The following JAG2 variants were observed in gnomAD, a reference collection of about 807,000 sequenced individuals.
JAG2 encodes the protein jagged canonical Notch ligand 2.
A neutral mutation model predicts 141.7 loss-of-function variants in JAG2; 46 were observed. That is an observed-to-expected ratio of 0.32 (90% confidence interval 0.26 to 0.42). JAG2 has a LOEUF of 0.42. JAG2 is among the 10% of genes least tolerant of loss of function. The pLI, the probability that JAG2 is intolerant of heterozygous loss-of-function variation, is 1.00. For missense variants in JAG2, 1,500 were observed against 1,817.5 expected, an observed-to-expected ratio of 0.83 and a Z score of 3.18; for synonymous variants, 862 against 763.5, an observed-to-expected ratio of 1.13 and a Z score of -2.13.
Position 105,155,729 on chromosome 14 carries a change from C to T in JAG2, c.727+9G>A. On this transcript the variant is annotated intron_variant, in intron 4 of 25. Coordinates refer to ENST00000331782, the MANE Select transcript of JAG2 (RefSeq NM_002226.5). Reference sequence around the variant, plus strand: ...CCCTGCCCTCCACGCAGCCCAGCGGCCCCCTCACCTTCCTTGCACTCCTTG... The same window carrying T: ...CCCTGCCCTCCACGCAGCCCAGCGGTCCCCTCACCTTCCTTGCACTCCTTG... 1 of 1,612,498 alleles carries T rather than the reference C, an allele frequency of 6.2e-7. No individual in the cohort carries two copies. The highest frequency in any genetic ancestry group is 2.2e-5 in the East Asian group (1 of 44,882).
chr14:105,153,623 C>G (rs971893931), intron 5 of JAG2, among the ~76,000 whole-genome samples: 2 of 152,134 alleles, frequency 1.3e-5, no homozygotes, highest in Non-Finnish European at 2.9e-5. Context: ...GGTGGGGGGG[C>G]GTCCTGCACT....
rs1241073504 is a variant in JAG2 at position 105,154,127 on chromosome 14, ACCCACCTC to A, written c.788+1427_788+1434del. On this transcript the variant is annotated intron_variant, in intron 5 of 25. Coordinates refer to ENST00000331782, the MANE Select transcript of JAG2 (RefSeq NM_002226.5). This position sits in a 1 kb window ranked among gnomAD's most constrained non-coding sequence, Gnocchi z 4.4. ...CAACCGTGGGGCCTGTGGAAGGGTC[ACCCACCTC>A]CCCACCTTGGCTCCCAACTCAGCTG... 6.6e-6 allele frequency among the ~76,000 whole-genome samples: 1 copy of A among 151,898 alleles called. No homozygotes were observed. The highest frequency in any genetic ancestry group is 1.5e-5 in the Non-Finnish European group (1 of 67,960).
chr14:105,151,205 G>C (rs2140979524), intron 9 of JAG2, 78 bp downstream of exon 9: 3 of 1,441,090 alleles, frequency 2.1e-6, no homozygotes, highest in Non-Finnish European at 2.8e-6. Context: ...AGCAGCCCCA[G>C]CAGCCCCCGC....
Position 105,150,848 on chromosome 14 carries a change from T to A in JAG2, c.1428+17A>T. 1 of 1,574,390 alleles carries A rather than the reference T, an allele frequency of 6.4e-7. No homozygotes were observed. The highest frequency in any genetic ancestry group is 8.6e-7 in the Non-Finnish European group (1 of 1,160,266). On this transcript the variant is annotated intron_variant, in intron 11 of 25. Transcript: ENST00000331782. ...CCCGCAGCACCCACGCCACACACCC[T>A]CCTGGCCCCGCCTCACCTTGCAGGT...
chr14:105,152,012 G>A lies in JAG2; in HGVS notation c.965C>T (p.Thr322Met), dbSNP rs767469145. 9.3e-6 allele frequency: 15 copies of A among 1,613,272 alleles called. No individual in the cohort carries two copies. Among genetic ancestry groups the A allele is most frequent in the Admixed American group, 1.7e-5 (1 of 60,008 alleles). The change falls in exon 7 of 26, where the codon ACG (threonine) becomes ATG (methionine). Residue 322 changes from threonine to methionine, a missense_variant. Transcript: ENST00000331782. ...GSHHPCTNGG[T>M]CINAEPDQYR... ...CTGGTCAGGCTCGGCGTTGATGCAC[G>A]TGCCTCCGTTGGTGCAGGGGTGGTG... is the stretch of plus-strand genomic sequence containing the variant.
intron 2 of JAG2, among the ~76,000 whole-genome samples, chr14:105,158,978 C>T (rs1374977817): frequency 6.6e-6 from 1 of 152,012 alleles, no homozygotes; most frequent in Non-Finnish European, 1.5e-5. Flanking sequence ...ACCCGCCGCC[C>T]ACCCCACGCA....
At chr14:105,151,527 G>A in intron 8 of JAG2, 99 bp downstream of exon 8, 1 of 1,335,488 alleles carries the variant, frequency 7.5e-7, no homozygotes, top group Non-Finnish European at 1.1e-6. Context: ...AGCCACACGT[G>A]TGGACTTGAC....
chr14:105,146,960 G>A (rs963965718), intron 20 of JAG2: 4 of 631,488 alleles, frequency 6.3e-6, no homozygotes, highest in African/African-American at 3.6e-5. Context: ...GTCCCATCCT[G>A]GATTAGCCCC....
In JAG2 at chr14:105,147,424, G is replaced by A. The variant is rs1250201922; in HGVS notation, c.2394-13C>T. 3.1e-6 allele frequency: 5 copies of A among 1,610,964 alleles called. No individual in the cohort carries two copies. The highest frequency in any genetic ancestry group is 2.2e-5 in the East Asian group (1 of 44,830). On this transcript the variant is annotated splice_polypyrimidine_tract_variant and intron_variant, in intron 19 of 25. Coordinates refer to ENST00000331782, the MANE Select transcript of JAG2 (RefSeq NM_002226.5). ...GCCACCATTGTAGCTGCAGAGCAGA[G>A]GGTGGGCATCAGGTGGCCCCCCGTG...
In JAG2 at chr14:105,150,431, G is replaced by A. The variant is rs370702806; in HGVS notation, c.1602+173C>T. 7.2e-4 allele frequency among the ~76,000 whole-genome samples: 109 copies of A among 152,304 alleles called. 1 individual carries two copies. The highest frequency in any genetic ancestry group is 2.5e-3 in the African/African-American group (102 of 41,562). On this transcript the variant is annotated intron_variant, in intron 12 of 25. Coordinates refer to ENST00000331782, the MANE Select transcript of JAG2 (RefSeq NM_002226.5). ...CACAGGGGGCCAAGCCTGGTGACCT[G>A]TGACAGCCCCGCCTGCCCACCTGGC...
intron 24 of JAG2, among the ~76,000 whole-genome samples, chr14:105,144,116 C>T (rs1888150945): frequency 6.6e-6 from 1 of 152,034 alleles, no homozygotes; most frequent in South Asian, 2.1e-4. Context: ...TGGCCCCATT[C>T]GCTGACACCT....
At chr14:105,156,129 C>T in intron 3 of JAG2, 140 bp from the exon 4 acceptor site, 1 of 1,137,440 alleles carries the variant, frequency 8.8e-7, no homozygotes, top group Admixed American at 2.6e-5. Flanking sequence ...GAGGGCAGGG[C>T]CCCCGGCCAG....
chr14:105,143,493 C>T lies in JAG2; in HGVS notation c.3230G>A (p.Gly1077Asp). The change falls in exon 25 of 26, where the codon GGC becomes GAC. Residue 1077 changes from glycine (G) to aspartate (D), a missense_variant. Physicochemically the swap from Gly to Asp is moderately conservative, Grantham distance 94. Coordinates refer to ENST00000331782, the MANE Select transcript of JAG2 (RefSeq NM_002226.5). ...CCTCCCGCGCTTACCTGTGGAAGAG[C>T]CGCCCGTAACAACCGTCTCCACCTT... The part of the protein sequence containing the change: ...EVKVETVVTG[G>D]SSTGLLVPVL... 3.2e-6 allele frequency: 5 copies of T among 1,556,798 alleles called. No homozygotes were observed. The highest frequency in any genetic ancestry group is 4.3e-6 in the Non-Finnish European group (5 of 1,152,420).
At chr14:105,147,565 AC>A in intron 18 of JAG2, 38 bp from the exon 19 acceptor site, 8 of 1,598,686 alleles carry the variant, frequency 5.0e-6, no homozygotes, top group East Asian at 2.2e-5. Context: ...ATCAGTACCC[AC>A]CCCCCAAGCG....
rs1888226943 is a variant in JAG2, at chr14:105,146,462, G to T, written c.2632C>A (p.Pro878Thr). The T allele has an allele frequency of 6.2e-7, 1 of 1,612,684 alleles. No individual in the cohort carries two copies. Among genetic ancestry groups the T allele is most frequent in the Non-Finnish European group, 8.5e-7 (1 of 1,179,922 alleles). Residue 878 changes from proline to threonine, a missense_variant, in exon 22 of 26, where the codon CCG becomes ACG. By Grantham distance (38) the Pro-to-Thr change is conservative (BLOSUM62 -1). Transcript: ENST00000331782. ...ACCCAGGAGCTTCCGTGTGGGAACG[G>T]AGTGCCCCGGGACCAGCAGGATCTC... ...FGRSCWSRGTPFPHGSSWVED... is the reference protein window; with the variant it reads ...FGRSCWSRGTTFPHGSSWVED...
At chr14:105,166,996 TG>T (rs1888932525) in intron 2 of JAG2, among the ~76,000 whole-genome samples, 1 of 152,130 alleles carries the variant, frequency 6.6e-6, no homozygotes, top group Non-Finnish European at 1.5e-5. Flanking sequence ...GCCAGCCCAC[TG>T]GGATGAGTAC....
Position 105,168,388 on chromosome 14 carries a change from C to A in JAG2, c.33G>T (p.Arg11=). ...AGAGCGCCAGCAGCAGCAGCAGCCG[C>A]CGGGGAAGGCGCCCCCGGCCCTGCG... MRAQGRGRLP[R]RLLLLLALWV... The change falls in exon 1 of 26, where the codon CGG becomes CGT. Residue 11 remains arginine (R), a synonymous_variant. Coordinates refer to ENST00000331782, the MANE Select transcript of JAG2 (RefSeq NM_002226.5). The A allele has an allele frequency of 9.7e-7, 1 of 1,029,846 alleles. No homozygotes were observed. The highest frequency in any genetic ancestry group is 1.2e-6 in the Non-Finnish European group (1 of 839,188). 63.8% of individuals were successfully genotyped at this position (1,029,846 alleles called of 1,614,324 possible).
chr14:105,161,394 G>A (rs1030739641), intron 2 of JAG2, among the ~76,000 whole-genome samples: 1 of 152,164 alleles, frequency 6.6e-6, no homozygotes, highest in East Asian at 1.9e-4. Context: ...CAGGCCACCC[G>A]GTCTCCCGGC....
intron 22 of JAG2, 141 bp from the exon 23 acceptor site, chr14:105,146,114 C>T (rs1020251598): frequency 2.1e-5 from 29 of 1,385,026 alleles, no homozygotes; most frequent in Non-Finnish European, 2.4e-5. Context: ...AGGGCCCAGC[C>T]CACCCCCTAC....
Sources: gnomAD v4.1 joint callset for allele counts (sites outside exome capture counted in the v4.1 genomes callset) on GRCh38, gnomAD v4.1.1 for gene constraint, Gnocchi (gnomAD v3.1) non-coding constraint, MANE v1.5 for transcripts, NCBI Gene and HGNC (gene_info 2026-07-23, HGNC 2026-07-21) for gene names.